Variants in ADCY10 observed in about 807,000 individuals in gnomAD.
ADCY10 encodes the protein adenylate cyclase type 10.
ADCY10 carries 156 observed loss-of-function variants against 183.3 expected under a neutral mutation model. That is an observed-to-expected ratio of 0.85 (90% CI 0.75 to 0.97). The LOEUF is 0.97. Ranked by LOEUF, ADCY10 falls within the 50% of genes least tolerant of loss-of-function variation. ADCY10 has a pLI of 0.00. For synonymous variants in ADCY10, 645 were observed against 670.0 expected (o/e 0.96, Z 0.58); for missense variants, 1,745 against 1,934.3 (o/e 0.90, Z 1.84).
chr1:167,827,182 T>C (rs1293789259), intron 26 of ADCY10, among the ~76,000 whole-genome samples: 9 of 151,560 alleles, frequency 5.9e-5, no homozygotes, highest in Non-Finnish European at 1.2e-4. Flanking sequence ...TTTTTTTTTT[T>C]CCTGAGATGG....
At position 167,854,360 on chromosome 1, in the gene ADCY10, G is replaced by T. The variant is rs1665727478; in HGVS notation, c.2301C>A (p.Asn767Lys). ...SEEKTNRTWN[N>K]LFKYSIKLTE... ...CATCACCGCAGGACTTACTGAACAGGTTATTCCAGGTCCTATTTGTCTTTT... is the reference window on the plus strand; with the variant it reads ...CATCACCGCAGGACTTACTGAACAGTTTATTCCAGGTCCTATTTGTCTTTT... Residue 767 changes from asparagine (N) to lysine (K), a missense_variant, in exon 18 of 33, where the codon AAC becomes AAA. Asn to Lys is a moderately conservative substitution (Grantham distance 94, BLOSUM62 0). Coordinates refer to ENST00000367851, the MANE Select transcript of ADCY10 (RefSeq NM_018417.6). The T allele has an allele frequency of 6.2e-7, 1 of 1,614,126 alleles. No individual in the cohort carries two copies. Among genetic ancestry groups the T allele is most frequent in the Middle Eastern group, 1.6e-4 (1 of 6,062 alleles).
At chr1:167,873,965 T>C (rs1667274910) in intron 13 of ADCY10, among the ~76,000 whole-genome samples, 1 of 152,166 alleles carries the variant, frequency 6.6e-6, no homozygotes, top group Non-Finnish European at 1.5e-5. Context: ...CTCTAGAATG[T>C]GTAAATAATT....
chr1:167,846,194 A>G lies in ADCY10; in HGVS notation c.2507T>C (p.Ile836Thr). The G allele has an allele frequency of 6.2e-7, 1 of 1,614,254 alleles. No homozygotes were observed. The highest frequency in any genetic ancestry group is 1.1e-5 in the South Asian group (1 of 91,084). Reference sequence around the variant, plus strand: ...CAACTCAGTGGTGAAGGTCAGGCCAATGATGGCAGCACATCTCACCAGCAT... The same window carrying G: ...CAACTCAGTGGTGAAGGTCAGGCCAGTGATGGCAGCACATCTCACCAGCAT... ...HQMLVRCAAI[I>T]GLTFTTELLF... is the part of the protein sequence containing the mutation. Residue 836 changes from isoleucine to threonine, a missense_variant, in exon 20 of 33, where the codon ATT becomes ACT. Coordinates refer to ENST00000367851, the MANE Select transcript of ADCY10 (RefSeq NM_018417.6).
chr1:167,901,584 C>A, intron 5 of ADCY10, 78 bp downstream of exon 5: 15 of 1,439,836 alleles, frequency 1.0e-5, no homozygotes, highest in Non-Finnish European at 1.5e-5. Context: ...TACTACTTCT[C>A]TTTGGGAGAG....
At chr1:167,830,836 A>G (rs1462021775) in intron 25 of ADCY10, among the ~76,000 whole-genome samples, 1 of 150,640 alleles carries the variant, frequency 6.6e-6, no homozygotes, top group Non-Finnish European at 1.5e-5. Flanking sequence ...GCCCTTTGAC[A>G]TAGATGCATA....
chr1:167,862,976 A>T (rs1666386374), intron 14 of ADCY10, among the ~76,000 whole-genome samples: 1 of 152,170 alleles, frequency 6.6e-6, no homozygotes, highest in Admixed American at 6.5e-5. Flanking sequence ...ATATGAAAAT[A>T]AATAAACAAC....
rs541278316 is a variant in ADCY10, at chr1:167,818,727, C to T, written c.4287-460G>A. 1.2e-3 allele frequency among the ~76,000 whole-genome samples: 185 copies of T among 152,198 alleles called. 1 individual carries two copies. The highest frequency in any genetic ancestry group is 4.1e-3 in the African/African-American group (172 of 41,526). On this transcript the variant is annotated intron_variant, in intron 30 of 32. Transcript: ENST00000367851. ...TAATTTTTTGTATTTTAAGTAGATA[C>T]GGGGTTTCACCATGTTGGCTAGGCT...
Position 167,836,343 on chromosome 1 carries a change from G to A in ADCY10, c.3275C>T (p.Ala1092Val), listed in dbSNP as rs1465120061. The change falls in exon 23 of 33, where the codon GCA becomes GTA. Residue 1092 changes from alanine to valine, a missense_variant. By Grantham distance (64) the Ala-to-Val change is moderately conservative (BLOSUM62 0). Coordinates refer to ENST00000367851, the MANE Select transcript of ADCY10 (RefSeq NM_018417.6). ...DKALYYFLEI[A>V]SAYLIFCDNY... is the part of the protein sequence containing the mutation. ...ATCACAAAAGATGAGATAAGCAGAT[G>A]CAATTTCTAAGAAGTAATATAAGGC... 6.2e-7 allele frequency: 1 copy of A among 1,613,866 alleles called. No individual in the cohort carries two copies. Among genetic ancestry groups the A allele is most frequent in the South Asian group, 1.1e-5 (1 of 91,064 alleles).
intron 9 of ADCY10, 113 bp downstream of exon 9, chr1:167,883,324 C>T (rs1007710938): frequency 1.6e-6 from 2 of 1,219,128 alleles, no homozygotes; most frequent in Admixed American, 1.7e-5. Flanking sequence ...AGGCGTGAGC[C>T]ACCACGCCCA....
chr1:167,841,530 T>G (rs1379273547), intron 21 of ADCY10, among the ~76,000 whole-genome samples: 1 of 135,142 alleles, frequency 7.4e-6, no homozygotes, highest in African/African-American at 2.9e-5. Flanking sequence ...TTTTAAGAGT[T>G]GGGGTCTTGC....
chr1:167,845,566 T>G lies in ADCY10; in HGVS notation c.3004A>C (p.Lys1002Gln), dbSNP rs755141272. ...IKKMAMSHGF[K>Q]TEEKLILSNS... is the part of the protein sequence containing the mutation. The stretch of plus-strand genomic sequence containing the variant: ...ATTTTAAAATGAAGTAGGTTACTTT[T>G]AAATCCATGAGACATAGCCATCTTT... Residue 1002 changes from lysine (K) to glutamine (Q), a missense_variant, in exon 21 of 33, where the codon AAA (lysine) becomes CAA (glutamine). Coordinates refer to ENST00000367851, the MANE Select transcript of ADCY10 (RefSeq NM_018417.6). The G allele has an allele frequency of 1.9e-6, 3 of 1,614,212 alleles. No homozygotes were observed. The East Asian group carries it at 6.7e-5, about 36-fold the overall frequency.
At chr1:167,848,712 G>A (rs559498458) in intron 18 of ADCY10, among the ~76,000 whole-genome samples, 49 of 151,862 alleles carry the variant, frequency 3.2e-4, no homozygotes, top group Non-Finnish European at 5.6e-4. Context: ...GTGCAGTGGC[G>A]TGATCTTTGC....
chr1:167,835,896 C>CA (rs978504698), intron 23 of ADCY10, among the ~76,000 whole-genome samples: 1 of 152,036 alleles, frequency 6.6e-6, no homozygotes, highest in Non-Finnish European at 1.5e-5. Flanking sequence ...AAAAACAAAA[C>CA]AAAAAACCAG....
intron 18 of ADCY10, among the ~76,000 whole-genome samples, chr1:167,850,262 A>T (rs2101990967): frequency 1.3e-5 from 2 of 152,232 alleles, no homozygotes; most frequent in Middle Eastern, 6.8e-3. Context: ...GGGCCTAAGC[A>T]AGACAGTGAT....
chr1:167,836,899 C>T (rs960193023), intron 22 of ADCY10, among the ~76,000 whole-genome samples: 10 of 152,180 alleles, frequency 6.6e-5, no homozygotes, highest in Non-Finnish European at 1.3e-4. Flanking sequence ...GTGGCAGGCG[C>T]CTGTAGTCCC....
Position 167,908,135 on chromosome 1 carries a change from G to T in ADCY10, c.-58-2937C>A, listed in dbSNP as rs151082265. On this transcript the variant is annotated intron_variant, in intron 1 of 32. Transcript: ENST00000367851. ...TTTCAGCACTATTCACAATAGCCAA[G>T]ATATGGAACCAACCTAATTGTTCAT... Among the ~76,000 whole-genome samples, 687 of 152,256 alleles carry T rather than the reference G, an allele frequency of 4.5e-3. 8 individuals carry two copies. In the East Asian group the frequency reaches 0.056, roughly 12 times the overall value.
chr1:167,891,379 G>A (rs921289794), intron 8 of ADCY10, among the ~76,000 whole-genome samples: 8 of 151,846 alleles, frequency 5.3e-5, no homozygotes, highest in South Asian at 2.1e-4. Context: ...GTGTTGGGTC[G>A]GGCGCAGTGG....
At chr1:167,839,674 A>G (rs2101934724) in intron 21 of ADCY10, among the ~76,000 whole-genome samples, 1 of 152,266 alleles carries the variant, frequency 6.6e-6, no homozygotes, top group East Asian at 1.9e-4. Flanking sequence ...TAATCTGTTC[A>G]TTGTCTGTCA....
intron 21 of ADCY10, among the ~76,000 whole-genome samples, chr1:167,838,955 G>C (rs1664426352): frequency 6.6e-6 from 1 of 152,148 alleles, no homozygotes; most frequent in Non-Finnish European, 1.5e-5. Flanking sequence ...TCCCTATTCA[G>C]TCCATCAGAA....
Sources: gnomAD v4.1 joint callset for allele counts (sites outside exome capture counted in the v4.1 genomes callset) on GRCh38, gnomAD v4.1.1 for gene constraint, MANE v1.5 for transcripts, NCBI Gene and HGNC (gene_info 2026-07-23, HGNC 2026-07-21) for gene names.